Variants in PTPRD observed in about 807,000 individuals in gnomAD.
PTPRD encodes the protein protein tyrosine phosphatase receptor type D, also known as receptor-type tyrosine-protein phosphatase delta.
A neutral mutation model predicts 214.5 loss-of-function variants in PTPRD; 34 were observed. The ratio of observed to expected loss-of-function variants is 0.16; its 90% CI spans 0.12 to 0.21. PTPRD has a LOEUF of 0.21. Ranked by LOEUF, PTPRD falls within the 10% of genes least tolerant of loss-of-function variation. PTPRD has a pLI of 1.00. For missense variants in PTPRD, 2,545 were observed against 2,398.7 expected, an observed-to-expected ratio of 1.06 and a Z score of -1.27; for synonymous variants, 1,128 against 845.7, an observed-to-expected ratio of 1.33 and a Z score of -5.79.
intron 2 of PTPRD, among the ~76,000 whole-genome samples, chr9:10,496,836 C>A (rs2042196630): frequency 1.3e-5 from 2 of 151,952 alleles, no homozygotes; most frequent in South Asian, 4.2e-4. Context: ...GCTTAAGTTC[C>A]CTATAGATTC....
chr9:10,560,637 G>C (rs2063720472), intron 2 of PTPRD, among the ~76,000 whole-genome samples: 1 of 151,364 alleles, frequency 6.6e-6, no homozygotes, highest in Non-Finnish European at 1.5e-5. Flanking sequence ...GTAAGAATAA[G>C]AGAATCTACA....
chr9:8,693,125 C>T (rs867388741), intron 12 of PTPRD, among the ~76,000 whole-genome samples: 2 of 152,176 alleles, frequency 1.3e-5, no homozygotes, highest in East Asian at 3.9e-4. Context: ...GATACTTGCT[C>T]GTGTCCTTTG....
Position 8,399,096 on chromosome 9 carries a change from C to T in PTPRD, c.4210+5441G>A, listed in dbSNP as rs114924139. 6.5e-5 allele frequency among the ~76,000 whole-genome samples: 9 copies of T among 137,740 alleles called. 1 individual carries two copies. The highest frequency in any genetic ancestry group is 7.2e-5 in the Admixed American group (1 of 13,836). The allele number at this position is 137,740 out of a possible 152,430, so 90.4% of individuals were successfully genotyped here. A position where few individuals can be genotyped will look rare whatever the true frequency, so the allele number is the denominator to read the frequency against. On this transcript the variant is annotated intron_variant, in intron 36 of 45. Coordinates refer to ENST00000381196, the MANE Select transcript of PTPRD (RefSeq NM_002839.4). ...TCCTATTTAGAATAAGCCCACTAAG[C>T]TTTTTTTTTTTTTTTTTCCTTGAAG...
chr9:8,319,586 C>T (rs1393687966), intron 45 of PTPRD, among the ~76,000 whole-genome samples: 1 of 151,756 alleles, frequency 6.6e-6, no homozygotes, highest in Non-Finnish European at 1.5e-5. Flanking sequence ...CAAAAATGGT[C>T]CAGTAGTAAA....
intron 3 of PTPRD, among the ~76,000 whole-genome samples, chr9:10,306,473 CTAAA>C (rs1205504621): frequency 6.6e-6 from 1 of 151,918 alleles, no homozygotes; most frequent in Non-Finnish European, 1.5e-5. Flanking sequence ...AGTAAACTTT[CTAAA>C]TAGTTCTCAT....
At chr9:9,007,260 C>G (rs930966192) in intron 11 of PTPRD, among the ~76,000 whole-genome samples, 2 of 150,304 alleles carry the variant, frequency 1.3e-5, no homozygotes, top group African/African-American at 2.5e-5. Context: ...TTCACTCTAC[C>G]CTTCAACTCT....
chr9:9,128,941 T>C (rs1227281753), intron 10 of PTPRD, among the ~76,000 whole-genome samples: 2 of 152,216 alleles, frequency 1.3e-5, no homozygotes, highest in African/African-American at 2.4e-5. Flanking sequence ...AATGGACTTA[T>C]GAAAGTCATA....
At chr9:9,493,378 G>T (rs1332128183) in intron 8 of PTPRD, among the ~76,000 whole-genome samples, 1 of 152,162 alleles carries the variant, frequency 6.6e-6, no homozygotes, top group Non-Finnish European at 1.5e-5. Flanking sequence ...TCTACTAAGA[G>T]CTCTGATGAA....
intron 7 of PTPRD, among the ~76,000 whole-genome samples, chr9:9,650,308 T>C (rs1188574506): frequency 1.3e-5 from 2 of 152,172 alleles, no homozygotes. Context: ...TCTTTATAAA[T>C]TACCCAGTCT....
chr9:10,208,307 G>A (rs1260360605), intron 3 of PTPRD, among the ~76,000 whole-genome samples: 7 of 152,218 alleles, frequency 4.6e-5, no homozygotes, highest in Non-Finnish European at 8.8e-5. Context: ...GAGGTCAGGA[G>A]ATCGACGCCA....
chr9:10,425,162 G>A (rs1185551294), intron 2 of PTPRD, among the ~76,000 whole-genome samples: 1 of 151,840 alleles, frequency 6.6e-6, no homozygotes, highest in East Asian at 1.9e-4. Context: ...CAGTGATAAT[G>A]GTCTAGTAAA....
intron 11 of PTPRD, among the ~76,000 whole-genome samples, chr9:8,874,303 C>A (rs941055276): frequency 6.6e-6 from 1 of 152,144 alleles, no homozygotes; most frequent in Admixed American, 6.5e-5. Flanking sequence ...CAAGATAGAC[C>A]AGGACATTCT....
intron 3 of PTPRD, among the ~76,000 whole-genome samples, chr9:10,275,006 C>A (rs1475017695): frequency 6.6e-6 from 1 of 152,044 alleles, no homozygotes; most frequent in Non-Finnish European, 1.5e-5. Context: ...ATACATATTT[C>A]TGAGTTTATG....
chr9:10,217,742 G>C (rs1163079802), intron 3 of PTPRD, among the ~76,000 whole-genome samples: 3 of 151,822 alleles, frequency 2.0e-5, no homozygotes, highest in Admixed American at 1.3e-4. Flanking sequence ...TATAATAATG[G>C]CCTATCATGT....
At chr9:9,777,079 T>G (rs1370556989) in intron 5 of PTPRD, among the ~76,000 whole-genome samples, 1 of 152,214 alleles carries the variant, frequency 6.6e-6, no homozygotes, top group African/African-American at 2.4e-5. Context: ...CTTTACATTT[T>G]GAAACAGATA....
At chr9:10,497,170 C>T (rs1485186326) in intron 2 of PTPRD, among the ~76,000 whole-genome samples, 2 of 151,732 alleles carry the variant, frequency 1.3e-5, no homozygotes, top group Non-Finnish European at 2.9e-5. Flanking sequence ...GGAATGGGGG[C>T]GTGGGGCAAA....
At chr9:8,510,158 G>A (rs1284223470) in intron 21 of PTPRD, among the ~76,000 whole-genome samples, 4 of 151,998 alleles carry the variant, frequency 2.6e-5, no homozygotes, top group African/African-American at 9.7e-5. Context: ...TGGGCATGGT[G>A]GAGCATGCCT....
chr9:9,092,371 A>G (rs1008636035), intron 10 of PTPRD, among the ~76,000 whole-genome samples: 1 of 152,094 alleles, frequency 6.6e-6, no homozygotes, highest in Admixed American at 6.5e-5. Context: ...CAACTGATTC[A>G]TATTATTATT....
intron 9 of PTPRD, among the ~76,000 whole-genome samples, chr9:9,222,766 A>G (rs1336068836): frequency 5.3e-5 from 8 of 152,066 alleles, no homozygotes; most frequent in African/African-American, 2.4e-5. Flanking sequence ...TTTGAAGTGA[A>G]CTGCGAATAA....
Sources: allele counts gnomAD v4.1 joint callset (sites outside exome capture counted in the v4.1 genomes callset), GRCh38; gene constraint gnomAD v4.1.1; transcripts MANE v1.5; gene names NCBI Gene and HGNC (gene_info 2026-07-23, HGNC 2026-07-21).